Variants in ACTN3 observed in about 807,000 individuals in gnomAD.
The protein encoded by ACTN3 is actinin alpha 3.
Under a neutral mutation model 119.6 loss-of-function variants are expected in ACTN3, and 91 were observed. That is an observed-to-expected ratio of 0.76 (90% confidence interval 0.64 to 0.91). The LOEUF (loss-of-function observed/expected upper bound fraction) is 0.91, where lower values mean the gene tolerates loss of function less well. Among genes scored for constraint, ACTN3 ranks in the 40% least tolerant of loss-of-function variants. The pLI is 0.00. For synonymous variants in ACTN3, 456 were observed against 478.8 expected (o/e 0.95, Z 0.62); for missense variants, 1,221 against 1,215.1 (o/e 1.00, Z -0.07).
rs896729490 is a variant in ACTN3, at chr11:66,562,075, T to C, written c.2229T>C (p.Asn743=). ...QLLTSIARTI[N]EVENQVLTRD... ...TCACCTCCATTGCCCGCACCATCAA[T>C]GAAGTGGAGAACCAGGTACTGACCC... Residue 743 remains asparagine (N), a synonymous_variant, in exon 18 of 21, where the codon AAT becomes AAC. Transcript: ENST00000513398. 11 of 1,613,676 alleles carry C rather than the reference T, an allele frequency of 6.8e-6. No homozygotes were observed. The highest frequency in any genetic ancestry group is 2.5e-6 in the Non-Finnish European group (3 of 1,179,914).
At position 66,546,990 on chromosome 11, in the gene ACTN3, C is replaced by A; in HGVS notation, c.53C>A (p.Ala18Glu). 1 of 1,518,090 alleles carries A rather than the reference C, an allele frequency of 6.6e-7. No homozygotes were observed. Among genetic ancestry groups the A allele is most frequent in the Non-Finnish European group, 8.8e-7 (1 of 1,136,890 alleles). 94.0% of individuals were successfully genotyped at this position (1,518,090 alleles called of 1,614,324 possible). ...EGLGAGEGRF[A>E]GGGGGGEYME... ...CTGGGGGCCGGGGAGGGGCGCTTTG[C>A]GGGCGGCGGCGGGGGCGGCGAGTAC... Residue 18 changes from alanine to glutamate, a missense_variant, in exon 1 of 21, where the codon GCG becomes GAG. Around this residue, in one of 3 missense-constraint regions of ACTN3, gnomAD observed 239 missense variants for 231.8 expected, o/e 1.03. Coordinates refer to ENST00000513398, the MANE Select transcript of ACTN3 (RefSeq NM_001104.4).
At position 66,556,437 on chromosome 11, in the gene ACTN3, T is replaced by G. The variant is rs1011300118; in HGVS notation, c.804+207T>G. On this transcript the variant is annotated intron_variant, in intron 8 of 20. Transcript: ENST00000513398. ...GTGCTCCCCCAATCCCTTTCCCAATTTGCAGGGACTCCATTCTTTGTTTGT... is the reference window on the plus strand; with the variant it reads ...GTGCTCCCCCAATCCCTTTCCCAATGTGCAGGGACTCCATTCTTTGTTTGT... Among the ~76,000 whole-genome samples, 6 of 152,226 alleles carry G rather than the reference T, an allele frequency of 3.9e-5. No individual in the cohort carries two copies. The East Asian group carries it at 1.2e-3, about 29-fold the overall frequency.
rs564580183 is a variant in ACTN3 at position 66,562,276 on chromosome 11, A to C, written c.2342A>C (p.Glu781Ala). 51 of 1,613,576 alleles carry C rather than the reference A, an allele frequency of 3.2e-5. No homozygotes were observed. Among genetic ancestry groups the C allele is most frequent in the Non-Finnish European group, 4.2e-5 (50 of 1,179,874 alleles). ...HFDRKQNGMM[E>A]PDDFRACLIS... ...CTACAGAAGCAGAATGGGATGATGG[A>C]GCCTGATGACTTCCGAGCTTGCCTC... Residue 781 changes from glutamate (E) to alanine (A), a missense_variant, in exon 19 of 21, where the codon GAG (glutamate) becomes GCG (alanine). Physicochemically the swap from Glu to Ala is moderately radical, Grantham distance 107. Coordinates refer to ENST00000513398, the MANE Select transcript of ACTN3 (RefSeq NM_001104.4).
chr11:66,547,754 C>T (rs998020013), intron 1 of ACTN3, among the ~76,000 whole-genome samples: 32 of 152,078 alleles, frequency 2.1e-4, no homozygotes, highest in Admixed American at 1.0e-3. Context: ...GGAGGGGAGA[C>T]CTGGGTCCCC....
chr11:66,561,409 T>C, intron 16 of ACTN3, 48 bp downstream of exon 16: 1 of 1,606,200 alleles, frequency 6.2e-7, no homozygotes, highest in Non-Finnish European at 8.5e-7. Flanking sequence ...GGGCCAGGGC[T>C]GGGCCACAGG....
At position 66,560,167 on chromosome 11, in the gene ACTN3, C is replaced by T. The variant is rs1273291100; in HGVS notation, c.1537-4C>T. On this transcript the variant is annotated splice_region_variant and splice_polypyrimidine_tract_variant and intron_variant, in intron 13 of 20. Transcript: ENST00000513398. Reference sequence around the variant, plus strand: ...TTCTGACCCACTACGCCTCCCACCTCTAGCGGATGGAGAAGCTCCTGGAGA... The same window carrying T: ...TTCTGACCCACTACGCCTCCCACCTTTAGCGGATGGAGAAGCTCCTGGAGA... 1.3e-6 allele frequency: 2 copies of T among 1,599,488 alleles called. No individual in the cohort carries two copies. Among genetic ancestry groups the T allele is most frequent in the Non-Finnish European group, 1.7e-6 (2 of 1,173,372 alleles).
intron 19 of ACTN3, 136 bp downstream of exon 19, chr11:66,562,458 T>G (rs1268194347): frequency 9.1e-7 from 1 of 1,097,760 alleles, no homozygotes; most frequent in East Asian, 2.4e-5. Flanking sequence ...CTAGCAAGGC[T>G]CAGGGAGGTA....
chr11:66,559,163 T>C (rs1393986540), intron 11 of ACTN3, 73 bp from the exon 12 acceptor site: 1 of 1,398,246 alleles, frequency 7.2e-7, no homozygotes, highest in Non-Finnish European at 9.4e-7. Flanking sequence ...TGAGGCTTCA[T>C]GGTCACGCAG....
intron 1 of ACTN3, among the ~76,000 whole-genome samples, chr11:66,549,838 G>C (rs1857437338): frequency 1.3e-5 from 2 of 151,622 alleles, no homozygotes; most frequent in Admixed American, 1.3e-4. Context: ...GGGTTGGAGG[G>C]AACTGTGGGA....
At chr11:66,559,004 A>G (rs1056233008) in intron 11 of ACTN3, 2 of 400,190 alleles carry the variant, frequency 5.0e-6, no homozygotes, top group African/African-American at 4.1e-5. Flanking sequence ...AACTGTACCA[A>G]GGGCCCCCTG....
upstream of ACTN3, chr11:66,546,731 C>G (rs1857350198): frequency 6.5e-7 from 1 of 1,535,552 alleles, no homozygotes; most frequent in Admixed American, 2.0e-5. Flanking sequence ...GCCGCGAGAT[C>G]CACCCCGGCG....
intron 3 of ACTN3, 53 bp downstream of exon 3, chr11:66,551,700 A>C: frequency 4.4e-6 from 7 of 1,604,770 alleles, no homozygotes; most frequent in Non-Finnish European, 6.0e-6. Context: ...CTCTCTTGAC[A>C]TCAGCAAATC....
intron 19 of ACTN3, 60 bp from the exon 20 acceptor site, chr11:66,562,736 A>T (rs1857811209): frequency 5.2e-6 from 8 of 1,525,884 alleles, no homozygotes; most frequent in Non-Finnish European, 7.1e-6. Flanking sequence ...AGGAGGGGAC[A>T]CTGGGAGCCC....
chr11:66,557,892 G>C lies in ACTN3; in HGVS notation c.1091G>C (p.Arg364Pro). ...CAGACCAAGTTGCGGCTCAGCCACC[G>C]GCCTGCCTTCATGCCCTCCGAGGGC... ...TLQTKLRLSH[R>P]PAFMPSEGKL... The change falls in exon 10 of 21, where the codon CGG becomes CCG. Residue 364 changes from arginine (R) to proline (P), a missense_variant. Physicochemically the swap from Arg to Pro is moderately radical, Grantham distance 103 (BLOSUM62 -2). Around this residue, in one of 3 missense-constraint regions of ACTN3, gnomAD observed 934 missense variants for 899.9 expected, o/e 1.04. Coordinates refer to ENST00000513398, the MANE Select transcript of ACTN3 (RefSeq NM_001104.4). 1.3e-5 allele frequency: 21 copies of C among 1,614,048 alleles called. No homozygotes were observed. Among genetic ancestry groups the C allele is most frequent in the East Asian group, 2.2e-5 (1 of 44,870 alleles).
chr11:66,556,314 C>A, intron 8 of ACTN3, 84 bp downstream of exon 8: 2 of 1,362,696 alleles, frequency 1.5e-6, no homozygotes, highest in Non-Finnish European at 2.0e-6. Flanking sequence ...AGGCGCCAGA[C>A]CACGGAGGTT....
chr11:66,562,521 T>A (rs1330104061), intron 19 of ACTN3, among the ~76,000 whole-genome samples, 199 bp downstream of exon 19: 2 of 152,032 alleles, frequency 1.3e-5, no homozygotes, highest in African/African-American at 4.8e-5. Flanking sequence ...CTTGCAACAT[T>A]TTTACCTGTA....
chr11:66,547,645 G>A (rs768342075), intron 1 of ACTN3, among the ~76,000 whole-genome samples: 4 of 152,186 alleles, frequency 2.6e-5, no homozygotes, highest in African/African-American at 7.2e-5. Context: ...CAGGACCCCC[G>A]CAACCTGAGG....
chr11:66,550,724 C>T (rs1857451749), intron 1 of ACTN3, among the ~76,000 whole-genome samples: 2 of 152,204 alleles, frequency 1.3e-5, no homozygotes, highest in South Asian at 4.1e-4. Flanking sequence ...AGTCCTTACT[C>T]ATGTAGGGTC....
rs777997289 is a variant in ACTN3, at chr11:66,557,958, C to A, written c.1128+29C>A. The A allele has an allele frequency of 9.9e-6, 16 of 1,613,058 alleles. No individual in the cohort carries two copies. The East Asian group carries it at 1.3e-4, about 13-fold the overall frequency. On this transcript the variant is annotated intron_variant, in intron 10 of 20. Transcript: ENST00000513398. The stretch of plus-strand genomic sequence containing the variant: ...AGCTCTACACACATTCCCTAGGTGA[C>A]CTTGAGGTCCGTATCCCATCTGTAC...
Sources: allele counts gnomAD v4.1 joint callset (sites outside exome capture counted in the v4.1 genomes callset), GRCh38; gene constraint gnomAD v4.1.1; regional missense constraint gnomAD v4.1.1; transcripts MANE v1.5; gene names NCBI Gene and HGNC (gene_info 2026-07-23, HGNC 2026-07-21).